The following PTPRD variants were observed in gnomAD, a reference collection of about 807,000 sequenced individuals.
PTPRD encodes the protein protein tyrosine phosphatase receptor type D.
A neutral mutation model predicts 214.5 loss-of-function variants in PTPRD; 34 were observed. The observed-to-expected ratio is 0.16, with a 90% CI of 0.12 to 0.21. PTPRD has a LOEUF of 0.21. PTPRD is among the 10% of genes least tolerant of loss of function. The probability of loss-of-function intolerance (pLI) is 1.00; values close to 1 mark genes in which losing one functional copy is unlikely to be tolerated. For synonymous variants in PTPRD, 1,128 were observed against 845.7 expected (o/e 1.33, Z -5.79); for missense variants, 2,545 against 2,398.7 (o/e 1.06, Z -1.27).
intron 2 of PTPRD, among the ~76,000 whole-genome samples, chr9:10,431,770 A>G (rs1220199975): frequency 6.6e-6 from 1 of 152,098 alleles, no homozygotes; most frequent in Non-Finnish European, 1.5e-5. Flanking sequence ...GGCAATCATT[A>G]AAAAGTCAGG....
chr9:8,838,027 C>G (rs893790997), intron 11 of PTPRD, among the ~76,000 whole-genome samples: 1 of 151,958 alleles, frequency 6.6e-6, no homozygotes. Context: ...TAAGAGTCAA[C>G]TGAAGTTCAT....
At chr9:9,807,387 C>G (rs1408129) in intron 5 of PTPRD, among the ~76,000 whole-genome samples, 83,619 of 151,946 alleles carry the variant, frequency 0.55, 25,318 homozygotes, top group East Asian at 0.87. Flanking sequence ...CCTGATTTCA[C>G]GAAACAGGTG....
At chr9:9,382,495 C>A (rs1272791185) in intron 9 of PTPRD, among the ~76,000 whole-genome samples, 1 of 151,996 alleles carries the variant, frequency 6.6e-6, no homozygotes, top group Admixed American at 6.6e-5. Flanking sequence ...ACACAAATAA[C>A]CCAAATAGAA....
chr9:10,348,139 A>C (rs2097121776), intron 2 of PTPRD, among the ~76,000 whole-genome samples: 2 of 152,160 alleles, frequency 1.3e-5, no homozygotes. Context: ...TTTTATGTCA[A>C]ACCTTATATT....
intron 7 of PTPRD, among the ~76,000 whole-genome samples, chr9:9,582,117 G>C (rs2090956869): frequency 6.6e-6 from 1 of 152,006 alleles, no homozygotes; most frequent in Non-Finnish European, 1.5e-5. Flanking sequence ...TTAACACTAT[G>C]GCAGAAACTT....
At chr9:9,285,094 C>G (rs1057111230) in intron 9 of PTPRD, among the ~76,000 whole-genome samples, 2 of 151,640 alleles carry the variant, frequency 1.3e-5, no homozygotes, top group African/African-American at 2.4e-5. Context: ...AATATAAAAC[C>G]TCACATATTT....
intron 2 of PTPRD, among the ~76,000 whole-genome samples, chr9:10,557,876 T>C (rs1321574825): frequency 6.6e-6 from 1 of 152,272 alleles, no homozygotes; most frequent in African/African-American, 2.4e-5. Flanking sequence ...ATGTAAATGT[T>C]TTATAGCAAA....
At chr9:8,360,022 G>C (rs1402615517) in intron 39 of PTPRD, among the ~76,000 whole-genome samples, 1 of 152,188 alleles carries the variant, frequency 6.6e-6, no homozygotes, top group Non-Finnish European at 1.5e-5. Context: ...TGTGGCTCTA[G>C]AATGTTTGTG....
intron 6 of PTPRD, among the ~76,000 whole-genome samples, chr9:9,750,693 A>G (rs2098508717): frequency 6.6e-6 from 1 of 152,172 alleles, no homozygotes; most frequent in South Asian, 2.1e-4. Context: ...AAGAAATCTT[A>G]AATAAGTGAA....
intron 11 of PTPRD, among the ~76,000 whole-genome samples, chr9:8,981,378 C>A (rs2154340518): frequency 6.6e-6 from 1 of 151,902 alleles, no homozygotes; most frequent in South Asian, 2.1e-4. Context: ...ACATATGTTG[C>A]CATTTGATTC....
At chr9:8,321,487 GTATATATATATATATATA>G (rs750825729) in intron 44 of PTPRD, among the ~76,000 whole-genome samples, 8 of 44,540 alleles carry the variant, frequency 1.8e-4, no homozygotes, top group Admixed American at 3.1e-4. Flanking sequence ...GTGTGTGTGT[GTATATATATATATATATA>G]TATATATATA....
At chr9:10,443,245 A>G (rs952838014) in intron 2 of PTPRD, among the ~76,000 whole-genome samples, 1 of 151,676 alleles carries the variant, frequency 6.6e-6, no homozygotes. Flanking sequence ...CCAAAAAATT[A>G]ATGAAACCTG....
chr9:8,452,394 C>G lies in PTPRD; in HGVS notation c.3876-2557G>C, dbSNP rs563270851. 2.6e-5 allele frequency among the ~76,000 whole-genome samples: 4 copies of G among 152,224 alleles called. No homozygotes were observed. The East Asian group carries it at 7.7e-4, about 29-fold the overall frequency. ...TGTGGAAGATGAAGAGTTTGGTCAT[C>G]ATTGGTAATAATACTAAAGAGTTTT... is the stretch of plus-strand genomic sequence containing the variant. On this transcript the variant is annotated intron_variant, in intron 33 of 45. Transcript: ENST00000381196.
chr9:8,531,750 G>A (rs555063798), intron 14 of PTPRD, among the ~76,000 whole-genome samples: 137 of 152,212 alleles, frequency 9.0e-4, no homozygotes, highest in African/African-American at 3.1e-3. Context: ...TCTCTCGGAA[G>A]AACTGAGCCA....
At chr9:10,271,986 TCATC>T (rs1446856817) in intron 3 of PTPRD, among the ~76,000 whole-genome samples, 4 of 152,086 alleles carry the variant, frequency 2.6e-5, no homozygotes, top group African/African-American at 9.7e-5. Flanking sequence ...ACCATATCAT[TCATC>T]CATTTAAAAT....
intron 9 of PTPRD, among the ~76,000 whole-genome samples, chr9:9,372,650 G>C: frequency 6.6e-6 from 1 of 152,090 alleles, no homozygotes; most frequent in East Asian, 1.9e-4. Context: ...ATTTGATCCT[G>C]TCATTACAAT....
intron 9 of PTPRD, among the ~76,000 whole-genome samples, chr9:9,279,412 C>T (rs1372275045): frequency 1.3e-5 from 2 of 148,934 alleles, no homozygotes; most frequent in Admixed American, 6.8e-5. Flanking sequence ...TTAAAGAATG[C>T]ATTCGGTGCT....
At chr9:10,190,986 T>C (rs573427038) in intron 3 of PTPRD, among the ~76,000 whole-genome samples, 4 of 152,256 alleles carry the variant, frequency 2.6e-5, no homozygotes, top group East Asian at 1.9e-4. Context: ...ATTTAGTCAA[T>C]GTAAGACAAG....
intron 11 of PTPRD, among the ~76,000 whole-genome samples, chr9:8,997,860 G>C (rs777771461): frequency 1.3e-5 from 2 of 152,070 alleles, no homozygotes; most frequent in Non-Finnish European, 1.5e-5. Context: ...TGATAAGAAA[G>C]TGAAACAGCC....
Sources: gnomAD v4.1 joint callset for allele counts (sites outside exome capture counted in the v4.1 genomes callset) on GRCh38, gnomAD v4.1.1 for gene constraint, MANE v1.5 for transcripts, NCBI Gene and HGNC (gene_info 2026-07-23, HGNC 2026-07-21) for gene names.